NKAIN2: variants seen among roughly 807,000 people sequenced by gnomAD.
NKAIN2 encodes sodium/potassium transporting ATPase interacting 2, also known as sodium/potassium-transporting ATPase subunit beta-1-interacting protein 2.
A neutral mutation model predicts 32.6 loss-of-function variants in NKAIN2; 14 were observed. The observed-to-expected ratio is 0.43, with a 90% CI of 0.28 to 0.67. The LOEUF (loss-of-function observed/expected upper bound fraction) is 0.67, where lower values mean the gene tolerates loss of function less well. Ranked by LOEUF, NKAIN2 falls within the 30% of genes least tolerant of loss-of-function variation. The pLI, the probability that NKAIN2 is intolerant of heterozygous loss-of-function variation, is 0.17. For synonymous variants in NKAIN2, 80 were observed against 87.2 expected, an observed-to-expected ratio of 0.92 and a Z score of 0.46; for missense variants, 198 against 258.3, an observed-to-expected ratio of 0.77 and a Z score of 1.60.
At chr6:123,894,298 A>T (rs1277261085) in intron 1 of NKAIN2, among the ~76,000 whole-genome samples, 1 of 152,110 alleles carries the variant, frequency 6.6e-6, no homozygotes, top group East Asian at 1.9e-4. Context: ...GATAGCTGTC[A>T]TTGTTGGAAA....
At chr6:123,988,601 C>A (rs1021912219) in intron 1 of NKAIN2, among the ~76,000 whole-genome samples, 1 of 152,146 alleles carries the variant, frequency 6.6e-6, no homozygotes, top group Non-Finnish European at 1.5e-5. Flanking sequence ...CTTAATAATT[C>A]CCTGTACCTC....
At chr6:124,730,438 T>C (rs1377641961) in intron 4 of NKAIN2, among the ~76,000 whole-genome samples, 1 of 97,984 alleles carries the variant, frequency 1.0e-5, no homozygotes, top group Non-Finnish European at 2.1e-5. Context: ...TTGACAAACC[T>C]GAGAAAAACA....
intron 1 of NKAIN2, among the ~76,000 whole-genome samples, chr6:124,174,261 T>C (rs749751995): frequency 4.6e-5 from 7 of 152,104 alleles, no homozygotes. Flanking sequence ...GAATCCTGAA[T>C]TTGGAAGAAA....
At chr6:123,822,591 G>A (rs74387625) in intron 1 of NKAIN2, among the ~76,000 whole-genome samples, 3,557 of 152,210 alleles carry the variant, frequency 0.023, 139 homozygotes, top group African/African-American at 0.08. Context: ...TTAGAAGGGA[G>A]ACATGAGACT....
chr6:124,053,832 A>G (rs1244872530), intron 1 of NKAIN2, among the ~76,000 whole-genome samples: 1 of 152,064 alleles, frequency 6.6e-6, no homozygotes, highest in Non-Finnish European at 1.5e-5. Flanking sequence ...TGACAGTTAC[A>G]AGGTTCTAGG....
chr6:123,879,678 G>A (rs1773359961), intron 1 of NKAIN2, among the ~76,000 whole-genome samples: 3 of 152,136 alleles, frequency 2.0e-5, no homozygotes, highest in Non-Finnish European at 4.4e-5. Flanking sequence ...CTAAATTGGG[G>A]TACCAGTACC....
intron 1 of NKAIN2, among the ~76,000 whole-genome samples, chr6:124,071,220 C>A (rs1001484460): frequency 6.6e-6 from 1 of 152,056 alleles, no homozygotes; most frequent in Non-Finnish European, 1.5e-5. Context: ...GAAAGGACTT[C>A]CTATTCAATA....
chr6:123,910,837 A>T (rs945920348), intron 1 of NKAIN2, among the ~76,000 whole-genome samples: 5 of 152,012 alleles, frequency 3.3e-5, no homozygotes, highest in Admixed American at 6.6e-5. Flanking sequence ...GTTTCACCTC[A>T]TCCTGAAGAA....
At chr6:124,391,771 T>C (rs1250744592) in intron 3 of NKAIN2, among the ~76,000 whole-genome samples, 1 of 152,142 alleles carries the variant, frequency 6.6e-6, no homozygotes, top group Non-Finnish European at 1.5e-5. Flanking sequence ...TAAATTACTT[T>C]TGGTGGTGCT....
At chr6:124,160,542 T>A (rs115914198) in intron 1 of NKAIN2, among the ~76,000 whole-genome samples, 1,582 of 152,284 alleles carry the variant, frequency 0.01, 26 homozygotes, top group African/African-American at 0.036. Flanking sequence ...AGTTAAATAT[T>A]TAACATATGT....
intron 1 of NKAIN2, among the ~76,000 whole-genome samples, chr6:124,100,085 A>C (rs1784810055): frequency 6.6e-6 from 1 of 152,206 alleles, no homozygotes; most frequent in South Asian, 2.1e-4. Context: ...CTTACATGTT[A>C]AAATTGAACA....
chr6:123,832,078 G>A (rs546579593), intron 1 of NKAIN2, among the ~76,000 whole-genome samples: 1 of 152,216 alleles, frequency 6.6e-6, no homozygotes, highest in Admixed American at 6.5e-5. Context: ...CATCATTATA[G>A]TATCATGCAG....
At chr6:124,268,310 A>G (rs1015808104) in intron 1 of NKAIN2, among the ~76,000 whole-genome samples, 1 of 152,222 alleles carries the variant, frequency 6.6e-6, no homozygotes, top group African/African-American at 2.4e-5. Context: ...TCAGTATAAT[A>G]TTCATATTTG....
At chr6:123,984,855 A>G (rs929682136) in intron 1 of NKAIN2, among the ~76,000 whole-genome samples, 3 of 152,226 alleles carry the variant, frequency 2.0e-5, no homozygotes, top group African/African-American at 7.2e-5. Flanking sequence ...ATGACTTTTT[A>G]TAATAAATAA....
chr6:124,723,949 A>G (rs1343575240), intron 4 of NKAIN2, among the ~76,000 whole-genome samples: 1 of 152,228 alleles, frequency 6.6e-6, no homozygotes, highest in East Asian at 1.9e-4. Flanking sequence ...TGCTTTCAGC[A>G]ATTAATAAAA....
intron 3 of NKAIN2, among the ~76,000 whole-genome samples, chr6:124,583,085 C>G (rs879803801): frequency 5.3e-5 from 8 of 151,988 alleles, no homozygotes; most frequent in Admixed American, 5.2e-4. Flanking sequence ...ATTCTTGCCA[C>G]TATTATTCAA....
intron 3 of NKAIN2, among the ~76,000 whole-genome samples, chr6:124,403,243 A>G (rs1773705151): frequency 6.6e-6 from 1 of 152,112 alleles, no homozygotes. Context: ...TTTTGATGCT[A>G]AACGTTCTCT....
intron 3 of NKAIN2, among the ~76,000 whole-genome samples, chr6:124,531,888 G>C (rs666117): frequency 0.97 from 148,213 of 152,274 alleles, 72,250 homozygotes; most frequent in East Asian, 1. Flanking sequence ...CAAAGCTGTT[G>C]TTGAACTCCT....
At chr6:123,836,568 C>T (rs764712804) in intron 1 of NKAIN2, among the ~76,000 whole-genome samples, 5 of 151,856 alleles carry the variant, frequency 3.3e-5, no homozygotes, top group Non-Finnish European at 7.4e-5. Flanking sequence ...AGATGAGGAA[C>T]CGTCACAATT....
Sources: allele counts gnomAD v4.1 joint callset (sites outside exome capture counted in the v4.1 genomes callset), GRCh38; gene constraint gnomAD v4.1.1; transcripts MANE v1.5; gene names NCBI Gene and HGNC (gene_info 2026-07-23, HGNC 2026-07-21).